Variants in CRTAC1 observed in about 807,000 individuals in gnomAD.
CRTAC1 encodes cartilage acidic protein 1, also known as acidic secreted protein in cartilage.
Under a neutral mutation model 67.8 loss-of-function variants are expected in CRTAC1, and 37 were observed. The ratio of observed to expected loss-of-function variants is 0.55; its 90% CI spans 0.42 to 0.72. The LOEUF (loss-of-function observed/expected upper bound fraction) is 0.72. CRTAC1 is among the 30% of genes least tolerant of loss of function. The probability of loss-of-function intolerance (pLI) is 0.00; values close to 1 mark genes in which losing one functional copy is unlikely to be tolerated. For synonymous variants in CRTAC1, 348 were observed against 371.0 expected, an observed-to-expected ratio of 0.94 and a Z score of 0.71; for missense variants, 780 against 931.6, an observed-to-expected ratio of 0.84 and a Z score of 2.12.
rs554948397 is a variant in CRTAC1, at chr10:97,941,642, C to G, written c.225-5276G>C. The stretch of plus-strand genomic sequence containing the variant: ...GGCTGTCCCTCCCCTTTGTCTTCGC[C>G]TCTCATTAATTGGCCCATCCTGTCG... On this transcript the variant is annotated intron_variant, in intron 2 of 14. Coordinates refer to ENST00000370597, the MANE Select transcript of CRTAC1 (RefSeq NM_018058.7). 5.3e-5 allele frequency among the ~76,000 whole-genome samples: 8 copies of G among 152,204 alleles called. No individual in the cohort carries two copies. In the East Asian group the frequency reaches 1.4e-3, roughly 26 times the overall value.
At chr10:97,893,054 G>T (rs545690731) in intron 11 of CRTAC1, among the ~76,000 whole-genome samples, 1 of 152,210 alleles carries the variant, frequency 6.6e-6, no homozygotes, top group Non-Finnish European at 1.5e-5. Flanking sequence ...ACCTTGGCAG[G>T]TTTCTTAATT....
chr10:97,997,249 A>G (rs925797818), intron 2 of CRTAC1, among the ~76,000 whole-genome samples: 6 of 145,138 alleles, frequency 4.1e-5, no homozygotes, highest in Non-Finnish European at 6.0e-5. Flanking sequence ...AATAATAATA[A>G]TAATAATAAT....
chr10:97,992,984 A>T (rs112582823), intron 2 of CRTAC1, among the ~76,000 whole-genome samples: 98 of 152,368 alleles, frequency 6.4e-4, no homozygotes, highest in Non-Finnish European at 8.7e-4. Flanking sequence ...AATTAGCTTG[A>T]TTTAGCCATT....
rs142923651 is a variant in CRTAC1, at chr10:97,910,630, G to T, written c.716-2483C>A. Among the ~76,000 whole-genome samples, 217 of 152,306 alleles carry T rather than the reference G, an allele frequency of 1.4e-3. 2 individuals carry two copies. The highest frequency in any genetic ancestry group is 5.0e-3 in the African/African-American group (206 of 41,572). ...AGGCCCGCCTCTGGATGGGGCAGAG[G>T]TTTCCCCAAAGTGACCATGCTTATT... On this transcript the variant is annotated intron_variant, in intron 5 of 14. Coordinates refer to ENST00000370597, the MANE Select transcript of CRTAC1 (RefSeq NM_018058.7).
intron 1 of CRTAC1, among the ~76,000 whole-genome samples, chr10:98,020,299 C>T (rs1045502679): frequency 6.6e-6 from 1 of 152,140 alleles, no homozygotes; most frequent in African/African-American, 2.4e-5. Flanking sequence ...TGGATAGTAA[C>T]AATAATAATA....
rs922272078 is a variant in CRTAC1 at position 98,004,940 on chromosome 10, C to T, written c.224+6198G>A. ...ATTTCTGGAAGCATAAACAGCAAAC[C>T]GGAAACAGTTGTTACTCTGGGAAGG... On this transcript the variant is annotated intron_variant, in intron 2 of 14. Transcript: ENST00000370597. Among the ~76,000 whole-genome samples, 6 of 150,140 alleles carry T rather than the reference C, an allele frequency of 4.0e-5. No homozygotes were observed. The East Asian group carries it at 9.7e-4, about 24-fold the overall frequency.
intron 2 of CRTAC1, among the ~76,000 whole-genome samples, chr10:98,006,368 C>T (rs1842790831): frequency 6.6e-6 from 1 of 152,216 alleles, no homozygotes; most frequent in Non-Finnish European, 1.5e-5. Context: ...AGACTGCAAT[C>T]ATGCACCTGC....
Position 97,880,179 on chromosome 10 carries a change from G to A in CRTAC1, c.1819+70C>T, listed in dbSNP as rs2050193060. ...AAGGGGCTGGGGACCTTGATCTGGG[G>A]CCTACCCAGAGCTCCCCAGTGGAAA... On this transcript the variant is annotated intron_variant, in intron 14 of 14. Coordinates refer to ENST00000370597, the MANE Select transcript of CRTAC1 (RefSeq NM_018058.7). The A allele has an allele frequency of 5.8e-6, 9 of 1,551,308 alleles. No homozygotes were observed. The East Asian group carries it at 1.8e-4, about 31-fold the overall frequency.
At chr10:97,966,993 ACCCC>A (rs55769291) in intron 2 of CRTAC1, among the ~76,000 whole-genome samples, 1 of 129,572 alleles carries the variant, frequency 7.7e-6, no homozygotes, top group Non-Finnish European at 1.6e-5. Flanking sequence ...TTGTAAAGTC[ACCCC>A]CCCCCCCCCG....
At chr10:97,894,562 T>A (rs1040807488) in intron 11 of CRTAC1, among the ~76,000 whole-genome samples, 1 of 149,492 alleles carries the variant, frequency 6.7e-6, no homozygotes, top group Non-Finnish European at 1.5e-5. Context: ...CGCTTGGCTA[T>A]TTTTTTTGTA....
rs1554913298 is a variant in CRTAC1, at chr10:97,889,453, T to TTG, written c.1487-5103_1487-5102insCA. Among the ~76,000 whole-genome samples the TTG allele has an allele frequency of 5.0e-3, 473 of 95,100 alleles. 5 individuals carry two copies. The highest frequency in any genetic ancestry group is 0.015 in the African/African-American group (445 of 29,708). 62.4% of individuals were successfully genotyped at this position (95,100 alleles called of 152,430 possible). On this transcript the variant is annotated intron_variant, in intron 11 of 14. Coordinates refer to ENST00000370597, the MANE Select transcript of CRTAC1 (RefSeq NM_018058.7). ...GGTGAAGAGGGGCTGTGGAACTTGG[T>TTG]GGGGGGGGGTCCACTGAGCAAGGCA...
rs1351149706 is a variant in CRTAC1 at position 97,876,943 on chromosome 10, CTGT to C, written c.1819+3303_1819+3305del. On this transcript the variant is annotated intron_variant, in intron 14 of 14. Transcript: ENST00000370597. ...GTACTGCTAGCTCAATGAGGAGGCT[CTGT>C]TTTTTTTTTTTTTTTTTTTTTTTTT... Among the ~76,000 whole-genome samples, 19 of 96,078 alleles carry C rather than the reference CTGT, an allele frequency of 2.0e-4. No homozygotes were observed. The East Asian group carries it at 2.4e-3, about 12-fold the overall frequency. 63.0% of individuals were successfully genotyped at this position (96,078 alleles called of 152,430 possible). A position where few individuals can be genotyped will look rare whatever the true frequency, so the allele number is the denominator to read the frequency against.
intron 2 of CRTAC1, among the ~76,000 whole-genome samples, chr10:97,952,070 AC>A (rs1480667580): frequency 6.6e-6 from 1 of 152,124 alleles, no homozygotes; most frequent in African/African-American, 2.4e-5. Context: ...TGCAAATTCC[AC>A]CCTGGGCTTG....
intron 2 of CRTAC1, among the ~76,000 whole-genome samples, chr10:97,967,115 T>G (rs1414272635): frequency 6.6e-6 from 1 of 152,168 alleles, no homozygotes; most frequent in Non-Finnish European, 1.5e-5. Flanking sequence ...TATTTGGAAT[T>G]CTTCTATCTG....
chr10:97,915,364 T>C (rs538048825), intron 5 of CRTAC1, among the ~76,000 whole-genome samples: 1 of 152,280 alleles, frequency 6.6e-6, no homozygotes, highest in South Asian at 2.1e-4. Context: ...TGGATCTCCG[T>C]CTGTTCTTTG....
chr10:98,022,699 CTA>C (rs1843148675), intron 1 of CRTAC1, among the ~76,000 whole-genome samples: 2 of 152,088 alleles, frequency 1.3e-5, no homozygotes, highest in African/African-American at 4.8e-5. Context: ...GGAGAGCCTG[CTA>C]TGCCACGGTA....
At chr10:97,927,949 A>G (rs976706663) in intron 3 of CRTAC1, among the ~76,000 whole-genome samples, 2 of 152,168 alleles carry the variant, frequency 1.3e-5, no homozygotes, top group Admixed American at 6.5e-5. Context: ...TAAAAGCTGC[A>G]CTCTGCCCTG....
At chr10:97,949,286 G>A (rs1359948289) in intron 2 of CRTAC1, among the ~76,000 whole-genome samples, 1 of 152,250 alleles carries the variant, frequency 6.6e-6, no homozygotes, top group African/African-American at 2.4e-5. Flanking sequence ...GTGAGCTGCT[G>A]TGAGCAGGTG....
chr10:97,973,839 G>C (rs902657128), intron 2 of CRTAC1, among the ~76,000 whole-genome samples: 7 of 151,704 alleles, frequency 4.6e-5, no homozygotes, highest in Non-Finnish European at 1.0e-4. Context: ...TTCTTACTTT[G>C]AAGTCAGGGG....
Sources: gnomAD v4.1 joint callset for allele counts (sites outside exome capture counted in the v4.1 genomes callset) on GRCh38, gnomAD v4.1.1 for gene constraint, MANE v1.5 for transcripts, NCBI Gene and HGNC (gene_info 2026-07-23, HGNC 2026-07-21) for gene names.